The following FRMPD4 variants were observed in gnomAD, a reference collection of about 807,000 sequenced individuals.
The protein encoded by FRMPD4 is FERM and PDZ domain-containing protein 4.
In FRMPD4, 22 loss-of-function variants were observed where a neutral mutation model predicts 94.1. The observed-to-expected ratio is 0.23, with a 90% CI of 0.17 to 0.33. The LOEUF (loss-of-function observed/expected upper bound fraction) is 0.33, where lower values mean the gene tolerates loss of function less well. FRMPD4 is among the 10% of genes least tolerant of loss of function. The pLI is 1.00. For missense variants in FRMPD4, 1,111 were observed against 1,339.9 expected, an observed-to-expected ratio of 0.83 and a Z score of 2.67; for synonymous variants, 631 against 548.6, an observed-to-expected ratio of 1.15 and a Z score of -2.10.
chrX:11,951,470 C>A (rs1430180317), intron 3 of FRMPD4, among the ~76,000 whole-genome samples: 1 of 111,765 alleles, frequency 8.9e-6, no homozygotes, highest in Non-Finnish European at 1.9e-5. Flanking sequence ...AGGCCATTAT[C>A]CTTAGCAAAC....
At chrX:12,498,545 T>C in intron 1 of FRMPD4, 135 bp from the exon 2 acceptor site, 1 of 542,806 alleles carries the variant, frequency 1.8e-6, no homozygotes, top group African/African-American at 2.2e-5. Context: ...AGATAATGTG[T>C]CGATTTTTGT....
chrX:12,357,586 A>G (rs2055913526), intron 1 of FRMPD4, among the ~76,000 whole-genome samples: 2 of 111,930 alleles, frequency 1.8e-5, no homozygotes, highest in Non-Finnish European at 1.9e-5. Context: ...AGATCATACA[A>G]CTTCCTGGGT....
At chrX:11,987,097 T>TCAAA (rs1569137639) in intron 3 of FRMPD4, among the ~76,000 whole-genome samples, 2 of 14,642 alleles carry the variant, frequency 1.4e-4, no homozygotes, top group African/African-American at 9.5e-4. Context: ...CAAAGACACA[T>TCAAA]TAAAAAAAAA....
intron 4 of FRMPD4, among the ~76,000 whole-genome samples, chrX:12,647,745 T>C (rs2148469561): frequency 8.9e-6 from 1 of 112,175 alleles, no homozygotes; most frequent in Admixed American, 9.4e-5. Context: ...TCGTGCCACT[T>C]AAATCACAGG....
Position 12,717,014 on chromosome X carries a change from C to T in FRMPD4, c.2555C>T (p.Ala852Val), listed in dbSNP as rs772520307. 3 of 1,208,010 alleles carry T rather than the reference C, an allele frequency of 2.5e-6. No homozygotes were observed. The highest frequency in any genetic ancestry group is 3.5e-5 in the African/African-American group (2 of 57,395). Residue 852 changes from alanine to valine, a missense_variant, in exon 15 of 17, where the codon GCT becomes GTT. Ala to Val is a moderately conservative substitution (Grantham distance 64). Around this residue, in one of 8 missense-constraint regions of FRMPD4, gnomAD observed 74 missense variants for 93.9 expected, o/e 0.79. Coordinates refer to ENST00000675598, the MANE Select transcript of FRMPD4 (RefSeq NM_001368397.1). Reference protein sequence around the residue: ...NDEIPVSLIDAVPTSAEGKCE... With the variant: ...NDEIPVSLIDVVPTSAEGKCE... ...GAGATCCCCGTGTCCCTCATTGACG[C>T]TGTGCCCACCAGCGCCGAAGGCAAG...
chrX:12,329,858 A>G (rs2055344190), intron 1 of FRMPD4, among the ~76,000 whole-genome samples: 1 of 57,382 alleles, frequency 1.7e-5, no homozygotes, highest in South Asian at 5.9e-4. Flanking sequence ...GTTTCTAACC[A>G]AAAAAAAAAA....
intron 1 of FRMPD4, among the ~76,000 whole-genome samples, chrX:12,486,495 A>T (rs2057740757): frequency 8.9e-6 from 1 of 112,534 alleles, no homozygotes; most frequent in African/African-American, 3.2e-5. Flanking sequence ...AAACATTCAC[A>T]GTTGCAGATA....
At chrX:12,534,354 G>A (rs909558207) in intron 2 of FRMPD4, among the ~76,000 whole-genome samples, 4 of 112,632 alleles carry the variant, frequency 3.6e-5, no homozygotes, top group Non-Finnish European at 5.6e-5. Context: ...GTTCAGAAGG[G>A]AAATGTGGGA....
At chrX:12,100,658 G>T (rs1356437567) in intron 3 of FRMPD4, among the ~76,000 whole-genome samples, 1 of 112,038 alleles carries the variant, frequency 8.9e-6, no homozygotes, top group African/African-American at 3.2e-5. Context: ...TTAATTTGTT[G>T]CTGTCTTCTT....
At chrX:12,013,018 A>C (rs182464577) in intron 3 of FRMPD4, among the ~76,000 whole-genome samples, 117 of 111,727 alleles carry the variant, frequency 1.0e-3, no homozygotes, top group African/African-American at 3.6e-3. Context: ...TGAATCCTAG[A>C]GGTCTTCCCA....
intron 1 of FRMPD4, among the ~76,000 whole-genome samples, chrX:12,256,850 A>G (rs982342847): frequency 8.9e-6 from 1 of 112,081 alleles, no homozygotes; most frequent in Non-Finnish European, 1.9e-5. Context: ...ATGGCACACC[A>G]GTGTACTTAG....
At chrX:11,865,343 G>T (rs1305586881) in intron 2 of FRMPD4, among the ~76,000 whole-genome samples, 1 of 111,755 alleles carries the variant, frequency 8.9e-6, no homozygotes, top group Non-Finnish European at 1.9e-5. Flanking sequence ...GGATGGTATT[G>T]TTTTCTTCTT....
chrX:12,409,328 A>G (rs2056704221), intron 1 of FRMPD4, among the ~76,000 whole-genome samples: 1 of 111,628 alleles, frequency 9.0e-6, no homozygotes, highest in Non-Finnish European at 1.9e-5. Flanking sequence ...ATAGTAAAGT[A>G]TATGAGCATT....
chrX:12,284,698 C>T (rs1024043286), intron 1 of FRMPD4, among the ~76,000 whole-genome samples: 1 of 111,736 alleles, frequency 8.9e-6, no homozygotes, highest in African/African-American at 3.3e-5. Flanking sequence ...AGATGTCGTC[C>T]TGTATTTGAG....
intron 2 of FRMPD4, among the ~76,000 whole-genome samples, chrX:12,587,350 T>A (rs1378013697): frequency 8.9e-6 from 1 of 111,881 alleles, no homozygotes; most frequent in Admixed American, 9.5e-5. Context: ...ACATTCATAA[T>A]GTTTTGCAAC....
At chrX:11,863,307 T>C (rs761384599) in intron 1 of FRMPD4, among the ~76,000 whole-genome samples, 79 of 110,364 alleles carry the variant, frequency 7.2e-4, no homozygotes, top group African/African-American at 2.4e-3. Context: ...TTGCTGAGAA[T>C]GATGGTTTCC....
intron 1 of FRMPD4, among the ~76,000 whole-genome samples, chrX:11,843,682 C>A (rs1421744834): frequency 1.8e-5 from 2 of 110,963 alleles, no homozygotes; most frequent in Non-Finnish European, 3.8e-5. Flanking sequence ...CTTAGCCTCC[C>A]AAGTAGCTGG....
At chrX:12,419,431 A>G (rs1007495318) in intron 1 of FRMPD4, among the ~76,000 whole-genome samples, 27 of 112,864 alleles carry the variant, frequency 2.4e-4, no homozygotes, top group Non-Finnish European at 4.9e-4. Flanking sequence ...GTTATGTTTT[A>G]TAAAAAGATA....
chrX:12,637,348 C>T (rs772974986), intron 4 of FRMPD4, among the ~76,000 whole-genome samples: 14 of 111,831 alleles, frequency 1.3e-4, no homozygotes, highest in African/African-American at 4.5e-4. Context: ...TATGGAATAT[C>T]CAACCAATAT....
Sources: gnomAD v4.1 joint callset for allele counts (sites outside exome capture counted in the v4.1 genomes callset) on GRCh38, gnomAD v4.1.1 for gene constraint, gnomAD v4.1.1 regional missense constraint, MANE v1.5 for transcripts, NCBI Gene and HGNC (gene_info 2026-07-23, HGNC 2026-07-21) for gene names.